Variants in NRXN3 observed in about 807,000 individuals in gnomAD.
NRXN3 encodes neurexin III.
A neutral mutation model predicts 137.6 loss-of-function variants in NRXN3; 32 were observed. That is an observed-to-expected ratio of 0.23 (90% confidence interval 0.18 to 0.31). NRXN3 has a LOEUF of 0.31. NRXN3 is among the 10% of genes least tolerant of loss of function. NRXN3 has a pLI of 1.00. For missense variants in NRXN3, 1,574 were observed against 2,062.5 expected (o/e 0.76, Z 4.59); for synonymous variants, 798 against 784.5 (o/e 1.02, Z -0.29).
intron 15 of NRXN3, among the ~76,000 whole-genome samples, chr14:79,172,300 G>A (rs1214179171): frequency 6.6e-6 from 1 of 151,560 alleles, no homozygotes; most frequent in African/African-American, 2.4e-5. Flanking sequence ...TTGTAGAATG[G>A]AGAAAAAAAA....
At chr14:79,845,342 C>T (rs908780978) in intron 20 of NRXN3, among the ~76,000 whole-genome samples, 7 of 152,212 alleles carry the variant, frequency 4.6e-5, no homozygotes, top group African/African-American at 1.4e-4. Context: ...AACTGTTTGG[C>T]CCAAAAGGCC....
At chr14:79,684,605 C>T (rs563448548) in intron 17 of NRXN3, among the ~76,000 whole-genome samples, 34 of 152,138 alleles carry the variant, frequency 2.2e-4, no homozygotes, top group Non-Finnish European at 3.7e-4. Flanking sequence ...TTCCTGTTGT[C>T]GGGATGACAA....
rs535205199 is a variant in NRXN3 at position 78,945,433 on chromosome 14, C to A, written c.2276-11809C>A. Among the ~76,000 whole-genome samples the A allele has an allele frequency of 4.0e-5, 6 of 151,860 alleles. No homozygotes were observed. The South Asian group carries it at 1.2e-3, about 32-fold the overall frequency. On this transcript the variant is annotated intron_variant, in intron 10 of 20. Coordinates refer to ENST00000335750, the MANE Select transcript of NRXN3 (RefSeq NM_001330195.2). ...TATGTTTTTATTTAATAGTTTTTTA[C>A]TCTTTATCCTGTACGGCCTGTGGAA...
At chr14:78,590,385 G>A (rs2097105866) in intron 4 of NRXN3, among the ~76,000 whole-genome samples, 1 of 152,186 alleles carries the variant, frequency 6.6e-6, no homozygotes, top group Non-Finnish European at 1.5e-5. Context: ...ATTGTGAGCA[G>A]ACCAATATCT....
intron 4 of NRXN3, among the ~76,000 whole-genome samples, chr14:78,360,566 GTTTC>G (rs1223761632): frequency 1.3e-5 from 2 of 152,102 alleles, no homozygotes; most frequent in Non-Finnish European, 2.9e-5. Context: ...TGGGTGCCTA[GTTTC>G]TTTATCTCCA....
intron 4 of NRXN3, among the ~76,000 whole-genome samples, chr14:78,457,305 T>C (rs1173097237): frequency 6.6e-6 from 1 of 152,152 alleles, no homozygotes; most frequent in Non-Finnish European, 1.5e-5. Context: ...GTGCTGGGAT[T>C]ATAGGCATGA....
At chr14:79,293,303 TA>T (rs2083495466) in intron 15 of NRXN3, among the ~76,000 whole-genome samples, 1 of 152,188 alleles carries the variant, frequency 6.6e-6, no homozygotes, top group Non-Finnish European at 1.5e-5. Context: ...ATCATGCCCC[TA>T]AAATAATGTT....
At chr14:78,425,825 A>G (rs17107550) in intron 4 of NRXN3, among the ~76,000 whole-genome samples, 15,451 of 152,084 alleles carry the variant, frequency 0.1, 1,053 homozygotes, top group African/African-American at 0.17. Context: ...CTGTCTGGCT[A>G]GTTATTTATT....
At chr14:78,211,815 AG>A (rs1163956647) in intron 1 of NRXN3, among the ~76,000 whole-genome samples, 3 of 152,198 alleles carry the variant, frequency 2.0e-5, no homozygotes, top group Admixed American at 1.3e-4. Context: ...AAAGTGGAAA[AG>A]GGGGGCTATG....
intron 6 of NRXN3, among the ~76,000 whole-genome samples, chr14:78,661,691 T>A (rs2097843025): frequency 1.3e-5 from 2 of 152,222 alleles, no homozygotes; most frequent in Non-Finnish European, 2.9e-5. Flanking sequence ...GCTCTGGAGT[T>A]AGAGTTTCTG....
At chr14:79,848,915 G>C (rs1255749952) in intron 20 of NRXN3, among the ~76,000 whole-genome samples, 1 of 151,992 alleles carries the variant, frequency 6.6e-6, no homozygotes, top group Admixed American at 6.6e-5. Context: ...AGACACTTTG[G>C]GTTCAGAAGA....
intron 4 of NRXN3, among the ~76,000 whole-genome samples, chr14:78,509,898 A>G (rs895600574): frequency 3.3e-5 from 5 of 152,114 alleles, no homozygotes; most frequent in Non-Finnish European, 7.4e-5. Flanking sequence ...GTCTGCCCTA[A>G]GAAACACAAA....
intron 15 of NRXN3, among the ~76,000 whole-genome samples, chr14:79,251,836 T>A (rs1354349290): frequency 1.3e-5 from 2 of 151,998 alleles, no homozygotes; most frequent in African/African-American, 4.8e-5. Context: ...TTTTCTTTTT[T>A]TTTTCAGGGT....
intron 15 of NRXN3, among the ~76,000 whole-genome samples, chr14:79,362,015 A>ATTATTATTT (rs2093700596): frequency 6.8e-6 from 1 of 146,982 alleles, no homozygotes; most frequent in Non-Finnish European, 1.5e-5. Flanking sequence ...TATTATTATT[A>ATTATTATTT]TTATTATTAT....
Position 79,137,491 on chromosome 14 carries a change from G to A in NRXN3, c.3262+149350G>A, listed in dbSNP as rs17108704. On this transcript the variant is annotated intron_variant, in intron 15 of 20. Transcript: ENST00000335750. ...GTCTAGAATTGTGGGCAATCATGCA[G>A]AGCCCTTCAAACAATATTAAAATCC... is the stretch of plus-strand genomic sequence containing the variant. Among the ~76,000 whole-genome samples the A allele has an allele frequency of 4.4e-3, 668 of 152,224 alleles. 27 individuals carry two copies. Among genetic ancestry groups the A allele is most frequent in the Admixed American group, 0.04 (617 of 15,290 alleles).
intron 8 of NRXN3, among the ~76,000 whole-genome samples, chr14:78,718,053 T>C (rs2098442284): frequency 6.6e-6 from 1 of 152,182 alleles, no homozygotes; most frequent in South Asian, 2.1e-4. Context: ...ATTCTCTCTA[T>C]ACAGGAATGG....
Position 79,862,620 on chromosome 14 carries a change from ACT to A in NRXN3, c.*658_*659del, listed in dbSNP as rs1359897787. 1 of 152,548 alleles carries A rather than the reference ACT, an allele frequency of 6.6e-6. No homozygotes were observed. Among genetic ancestry groups the A allele is most frequent in the Non-Finnish European group, 1.5e-5 (1 of 68,038 alleles). The allele number at this position is 152,548 out of a possible 1,614,324, so 9.4% of individuals were successfully genotyped here. ...GACTGGACATCAGAAGAGGAAAAAA[ACT>A]CAAAACAAAAGCGAGAGAGACTATT... On this transcript the variant is annotated 3_prime_UTR_variant, in exon 21 of 21. Transcript: ENST00000335750.
At chr14:79,080,440 GAGA>G (rs1179809694) in intron 15 of NRXN3, among the ~76,000 whole-genome samples, 1 of 152,166 alleles carries the variant, frequency 6.6e-6, no homozygotes, top group African/African-American at 2.4e-5. Context: ...GAGACTCTTT[GAGA>G]AGGAGTTAAA....
At chr14:78,598,335 T>C (rs1197795459) in intron 4 of NRXN3, among the ~76,000 whole-genome samples, 1 of 152,066 alleles carries the variant, frequency 6.6e-6, no homozygotes, top group Non-Finnish European at 1.5e-5. Context: ...GGGCTCGGGA[T>C]TCTTTCAGCA....
Sources: allele counts gnomAD v4.1 joint callset (sites outside exome capture counted in the v4.1 genomes callset), GRCh38; gene constraint gnomAD v4.1.1; transcripts MANE v1.5; gene names NCBI Gene and HGNC (gene_info 2026-07-23, HGNC 2026-07-21).